Variants in CHODL observed in about 807,000 individuals in gnomAD.
CHODL encodes the protein chondrolectin.
Under a neutral mutation model 34.5 loss-of-function variants are expected in CHODL, and 29 were observed. The observed-to-expected ratio is 0.84, with a 90% CI of 0.63 to 1.15. The LOEUF (loss-of-function observed/expected upper bound fraction) is 1.15, where lower values mean the gene tolerates loss of function less well. CHODL is among the 50% of genes most tolerant of loss of function. The pLI, the probability that CHODL is intolerant of heterozygous loss-of-function variation, is 0.00. For synonymous variants in CHODL, 125 were observed against 116.1 expected (o/e 1.08, Z -0.49); for missense variants, 332 against 332.5 (o/e 1.00, Z 0.01).
intron 2 of CHODL, among the ~76,000 whole-genome samples, chr21:18,239,547 T>C (rs531710676): frequency 1.3e-5 from 2 of 152,230 alleles, no homozygotes; most frequent in African/African-American, 4.8e-5. Flanking sequence ...ATTTGATATA[T>C]TTGGAGAAAC....
chr21:18,048,956 T>G (rs1397907455), intron 2 of CHODL, among the ~76,000 whole-genome samples: 2 of 151,946 alleles, frequency 1.3e-5, no homozygotes, highest in African/African-American at 2.4e-5. Context: ...TGGTTTACAA[T>G]GATTTTCAGA....
intron 2 of CHODL, among the ~76,000 whole-genome samples, chr21:18,112,269 C>A (rs2146563516): frequency 6.6e-6 from 1 of 151,528 alleles, no homozygotes; most frequent in Admixed American, 6.6e-5. Context: ...GAAGGGGAAA[C>A]CAAAAAATTA....
chr21:18,073,496 T>C (rs2064830037), intron 2 of CHODL, among the ~76,000 whole-genome samples: 1 of 152,132 alleles, frequency 6.6e-6, no homozygotes, highest in Non-Finnish European at 1.5e-5. Flanking sequence ...AATGATTACA[T>C]TAAATTGACT....
chr21:18,088,974 G>A (rs953725914), intron 2 of CHODL, among the ~76,000 whole-genome samples: 2 of 152,132 alleles, frequency 1.3e-5, no homozygotes, highest in Non-Finnish European at 2.9e-5. Flanking sequence ...TATATTAGAG[G>A]AGGCTGCACC....
chr21:18,135,217 T>C (rs1482429529), intron 2 of CHODL, among the ~76,000 whole-genome samples: 1 of 152,180 alleles, frequency 6.6e-6, no homozygotes, highest in African/African-American at 2.4e-5. Context: ...TACACTTGAG[T>C]TTTCATTTAA....
In CHODL at chr21:18,028,277, C is replaced by CTTTT. The variant is rs377144650; in HGVS notation, c.-45+306_-45+307insTTTT. On this transcript the variant is annotated intron_variant, in intron 2 of 6. Transcript: ENST00000400127. ...CCTTTTCTTTTTCTTTTTCCTTTTC[C>CTTTT]CCTTCCTTCCTTCCTTCCTTCCTTC... 9.4e-3 allele frequency among the ~76,000 whole-genome samples: 931 copies of CTTTT among 98,974 alleles called. 62 individuals are homozygous for CTTTT. The highest frequency in any genetic ancestry group is 0.023 in the African/African-American group (559 of 24,670). The allele number at this position is 98,974 out of a possible 152,430, so 64.9% of individuals were successfully genotyped here. A position where few individuals can be genotyped will look rare whatever the true frequency, so the allele number is the denominator to read the frequency against.
intron 2 of CHODL, among the ~76,000 whole-genome samples, chr21:18,116,331 A>G (rs533943927): frequency 1.3e-5 from 2 of 151,670 alleles, no homozygotes; most frequent in Non-Finnish European, 2.9e-5. Flanking sequence ...TTTCTCTTTT[A>G]TCTCATTTAG....
At chr21:18,231,592 G>C (rs1336022253) in intron 2 of CHODL, among the ~76,000 whole-genome samples, 1 of 152,132 alleles carries the variant, frequency 6.6e-6, no homozygotes, top group South Asian at 2.1e-4. Context: ...ATTGAAAAGA[G>C]TATCTGATAC....
At position 18,124,020 on chromosome 21, in the gene CHODL, TA is replaced by T. The variant is rs59590732; in HGVS notation, c.-45+96055del. On this transcript the variant is annotated intron_variant, in intron 2 of 6. Coordinates refer to the CHODL transcript ENST00000400127. Reference sequence around the variant, plus strand: ...CAACGTGGTGAAATCCCGTCTCTACTAAAAAATACAAAAATTAGCTGGACTT... The same window carrying T: ...CAACGTGGTGAAATCCCGTCTCTACTAAAAATACAAAAATTAGCTGGACTT... 1.4e-4 allele frequency among the ~76,000 whole-genome samples: 21 copies of T among 152,034 alleles called. 1 individual carries two copies. In the East Asian group the frequency reaches 4.1e-3, roughly 29 times the overall value.
chr21:18,088,503 C>G (rs1019167942), intron 2 of CHODL, among the ~76,000 whole-genome samples: 16 of 152,192 alleles, frequency 1.1e-4, no homozygotes, highest in Non-Finnish European at 2.2e-4. Flanking sequence ...CACCATGTGT[C>G]AGACCCAGTG....
Position 18,151,988 on chromosome 21 carries a change from CTGTGTGTGTGTGTG to C in CHODL, c.-44-104497_-44-104484del, listed in dbSNP as rs71941239. On this transcript the variant is annotated intron_variant, in intron 2 of 6. Transcript: ENST00000400127. ...CATGTTAGGCAATATGTATATAACTCTGTGTGTGTGTGTGTGTGTGTGTGTGTGTGTGTGTGTTT... is the reference window on the plus strand; with the variant it reads ...CATGTTAGGCAATATGTATATAACTCTGTGTGTGTGTGTGTGTGTGTGTTT... 6.8e-5 allele frequency among the ~76,000 whole-genome samples: 10 copies of C among 146,508 alleles called. No individual in the cohort carries two copies. The East Asian group carries it at 1.0e-3, about 15-fold the overall frequency.
intron 2 of CHODL, among the ~76,000 whole-genome samples, chr21:18,146,038 G>A (rs745696863): frequency 6.6e-6 from 1 of 151,924 alleles, no homozygotes; most frequent in Non-Finnish European, 1.5e-5. Context: ...GAGCAATCTC[G>A]GATCATTGCA....
At chr21:18,226,330 T>A (rs145887753) in intron 2 of CHODL, among the ~76,000 whole-genome samples, 318 of 152,294 alleles carry the variant, frequency 2.1e-3, no homozygotes, top group Non-Finnish European at 3.6e-3. Context: ...AGACAGAGTC[T>A]TGCTTGCTCT....
At chr21:18,143,788 A>G (rs1428180608) in intron 2 of CHODL, among the ~76,000 whole-genome samples, 2 of 152,104 alleles carry the variant, frequency 1.3e-5, no homozygotes, top group African/African-American at 4.8e-5. Flanking sequence ...TCTTACAGAG[A>G]TTTTTCAGAA....
At chr21:18,020,760 T>C (rs980792421) in intron 1 of CHODL, among the ~76,000 whole-genome samples, 6 of 152,130 alleles carry the variant, frequency 3.9e-5, no homozygotes, top group African/African-American at 1.4e-4. Flanking sequence ...ATAATTAATG[T>C]TTAAATAAGG....
intron 2 of CHODL, among the ~76,000 whole-genome samples, chr21:18,111,194 A>G (rs1424833163): frequency 6.6e-6 from 1 of 152,176 alleles, no homozygotes; most frequent in Admixed American, 6.6e-5. Context: ...GACTAATAAT[A>G]TATTCCCGTT....
intron 1 of CHODL, among the ~76,000 whole-genome samples, chr21:17,953,561 A>C (rs768144800): frequency 3.3e-5 from 5 of 152,240 alleles, no homozygotes; most frequent in Non-Finnish European, 7.3e-5. Flanking sequence ...AATGAGTACA[A>C]AATGTAAGAA....
chr21:18,007,126 TAAAA>T (rs769614539), intron 1 of CHODL, among the ~76,000 whole-genome samples: 2 of 151,982 alleles, frequency 1.3e-5, no homozygotes, highest in African/African-American at 4.8e-5. Flanking sequence ...AATTGAATTT[TAAAA>T]AAAACTACTT....
chr21:18,157,458 G>A (rs778813315), intron 2 of CHODL, among the ~76,000 whole-genome samples: 1 of 152,168 alleles, frequency 6.6e-6, no homozygotes, highest in Non-Finnish European at 1.5e-5. Context: ...TGACACTGTT[G>A]TTATTTAGTT....
Sources: allele counts gnomAD v4.1 joint callset (sites outside exome capture counted in the v4.1 genomes callset), GRCh38; gene constraint gnomAD v4.1.1; transcripts MANE v1.5; gene names NCBI Gene and HGNC (gene_info 2026-07-23, HGNC 2026-07-21).